Variants in PRKACB observed in about 807,000 individuals in gnomAD.
PRKACB encodes the protein protein kinase cAMP-activated catalytic subunit beta.
In PRKACB, 16 loss-of-function variants were observed where a neutral mutation model predicts 51.4. The observed-to-expected ratio is 0.31, with a 90% CI of 0.21 to 0.47. PRKACB has a LOEUF of 0.47. Among genes scored for constraint, PRKACB ranks in the 20% least tolerant of loss-of-function variants. PRKACB has a pLI of 1.00. For missense variants in PRKACB, 309 were observed against 464.5 expected (o/e 0.67, Z 3.08); for synonymous variants, 147 against 154.4 (o/e 0.95, Z 0.35).
chr1:84,202,082 G>C (rs1367980524), intron 7 of PRKACB, among the ~76,000 whole-genome samples: 2 of 151,974 alleles, frequency 1.3e-5, no homozygotes, highest in Non-Finnish European at 2.9e-5. Context: ...GTAGATAGCA[G>C]AAGTAAAGTA....
At chr1:84,146,040 T>C (rs1167237785) in intron 1 of PRKACB, among the ~76,000 whole-genome samples, 1 of 151,978 alleles carries the variant, frequency 6.6e-6, no homozygotes, top group Non-Finnish European at 1.5e-5. Flanking sequence ...TTTCACCACT[T>C]TTTAAATGTA....
chr1:84,078,303 C>T, exon 1 of PRKACB: 1 of 1,605,394 alleles, frequency 6.2e-7, no homozygotes, highest in Non-Finnish European at 8.5e-7. Context: ...CTTCCCTGAC[C>T]CCTTCTTGCC....
intron 8 of PRKACB, chr1:84,205,137 C>T (rs1289144014): frequency 2.0e-6 from 2 of 981,376 alleles, no homozygotes; most frequent in African/African-American, 3.5e-5. Flanking sequence ...CAGATTATCT[C>T]TCCCCATGTG....
At chr1:84,078,849 T>C (rs1430096250) in intron 1 of PRKACB, among the ~76,000 whole-genome samples, 1 of 152,206 alleles carries the variant, frequency 6.6e-6, no homozygotes, top group African/African-American at 2.4e-5. Context: ...CAAGTGAGGC[T>C]AATCCTGAGT....
intron 1 of PRKACB, among the ~76,000 whole-genome samples, chr1:84,084,393 TTTGAA>T (rs1647800653): frequency 6.6e-6 from 1 of 151,912 alleles, no homozygotes; most frequent in Admixed American, 6.6e-5. Flanking sequence ...ATGGAGAGAG[TTTGAA>T]TTTTATCTTT....
chr1:84,165,158 G>A (rs1002266103), intron 1 of PRKACB: 3 of 610,578 alleles, frequency 4.9e-6, no homozygotes, highest in Non-Finnish European at 7.8e-6. Context: ...AGGCATTATA[G>A]TAAATTGCCT....
At chr1:84,180,878 CAT>C (rs973247886) in intron 2 of PRKACB, among the ~76,000 whole-genome samples, 3 of 151,910 alleles carry the variant, frequency 2.0e-5, no homozygotes, top group Non-Finnish European at 4.4e-5. Context: ...AGCAGAAACA[CAT>C]ATTCTGTTGT....
intron 1 of PRKACB, among the ~76,000 whole-genome samples, chr1:84,092,407 T>G (rs762707661): frequency 1.7e-4 from 26 of 152,212 alleles, no homozygotes; most frequent in Non-Finnish European, 3.4e-4. Context: ...ACATATTTTT[T>G]CTATGGTTGA....
intron 9 of PRKACB, among the ~76,000 whole-genome samples, chr1:84,234,625 T>A (rs567686033): frequency 6.6e-6 from 1 of 152,320 alleles, no homozygotes. Flanking sequence ...GGTGCGCCGT[T>A]TTTTAAGCCC....
At chr1:84,208,148 T>C (rs1332214348) in intron 8 of PRKACB, among the ~76,000 whole-genome samples, 1 of 152,196 alleles carries the variant, frequency 6.6e-6, no homozygotes, top group Non-Finnish European at 1.5e-5. Flanking sequence ...GAGTAGTAAT[T>C]TGAAGTCAGT....
intron 8 of PRKACB, among the ~76,000 whole-genome samples, chr1:84,212,672 T>A (rs1159106470): frequency 1.3e-5 from 2 of 152,062 alleles, no homozygotes; most frequent in African/African-American, 4.8e-5. Context: ...TAAATTGGAG[T>A]TAATACCATA....
intron 1 of PRKACB, among the ~76,000 whole-genome samples, chr1:84,149,825 G>A (rs1324992008): frequency 1.3e-5 from 2 of 151,562 alleles, no homozygotes; most frequent in Non-Finnish European, 2.9e-5. Context: ...CCATTTTAAG[G>A]CTTTTGCATT....
chr1:84,103,951 C>T (rs1649541961), intron 1 of PRKACB, among the ~76,000 whole-genome samples: 3 of 152,104 alleles, frequency 2.0e-5, no homozygotes, highest in African/African-American at 7.2e-5. Flanking sequence ...TTACCATAAA[C>T]ATTTATCATT....
intron 1 of PRKACB, among the ~76,000 whole-genome samples, chr1:84,096,767 A>G (rs1376055843): frequency 2.0e-5 from 3 of 152,054 alleles, no homozygotes; most frequent in Non-Finnish European, 4.4e-5. Context: ...GCAATGAATC[A>G]TAGTATAAAG....
At position 84,116,604 on chromosome 1, in the gene PRKACB, A is replaced by C. The variant is rs758163457; in HGVS notation, c.46+38233A>C. The stretch of plus-strand genomic sequence containing the variant: ...AGCTATTTTAAATATGATTGGCTTT[A>C]TTTCTTTCTCAGCTAGATCATTATT... On this transcript the variant is annotated intron_variant, in intron 1 of 8. Coordinates refer to the PRKACB transcript ENST00000370688. Among the ~76,000 whole-genome samples, 17 of 151,976 alleles carry C rather than the reference A, an allele frequency of 1.1e-4. 1 individual carries two copies. The highest frequency in any genetic ancestry group is 2.1e-4 in the Non-Finnish European group (14 of 67,978).
intron 8 of PRKACB, among the ~76,000 whole-genome samples, chr1:84,209,120 G>C (rs563028930): frequency 6.6e-6 from 1 of 152,260 alleles, no homozygotes; most frequent in African/African-American, 2.4e-5. Flanking sequence ...CAGTGACTTT[G>C]TATCACTAAT....
chr1:84,108,752 A>G (rs1649984554), intron 1 of PRKACB, among the ~76,000 whole-genome samples: 1 of 151,986 alleles, frequency 6.6e-6, no homozygotes. Context: ...CCTAGTAACC[A>G]TTATTCTAAC....
intron 9 of PRKACB, among the ~76,000 whole-genome samples, chr1:84,230,499 T>C (rs1675444549): frequency 1.3e-5 from 2 of 152,202 alleles, no homozygotes; most frequent in African/African-American, 4.8e-5. Context: ...GGGGATGGCA[T>C]TGAATCTATA....
chr1:84,102,928 T>C (rs1411334688), intron 1 of PRKACB, among the ~76,000 whole-genome samples: 1 of 152,184 alleles, frequency 6.6e-6, no homozygotes, highest in African/African-American at 2.4e-5. Context: ...GGAGTATCCA[T>C]TGCAATTTCT....
Sources: gnomAD v4.1 joint callset for allele counts (sites outside exome capture counted in the v4.1 genomes callset) on GRCh38, gnomAD v4.1.1 for gene constraint, MANE v1.5 for transcripts, NCBI Gene and HGNC (gene_info 2026-07-23, HGNC 2026-07-21) for gene names.